Variants in ANKRD42 observed in about 807,000 individuals in gnomAD.
ANKRD42 encodes the protein ankyrin repeat domain-containing protein 42.
ANKRD42 carries 43 observed loss-of-function variants against 51.5 expected under a neutral mutation model. The ratio of observed to expected loss-of-function variants is 0.83; its 90% CI spans 0.65 to 1.08. The LOEUF (loss-of-function observed/expected upper bound fraction) is 1.08. Among genes scored for constraint, ANKRD42 ranks in the 50% least tolerant of loss-of-function variants. The pLI, the probability that ANKRD42 is intolerant of heterozygous loss-of-function variation, is 0.00. For synonymous variants in ANKRD42, 203 were observed against 213.0 expected, an observed-to-expected ratio of 0.95 and a Z score of 0.41; for missense variants, 608 against 629.3, an observed-to-expected ratio of 0.97 and a Z score of 0.36.
chr11:83,262,775 AATG>A, downstream of ANKRD42, among the ~76,000 whole-genome samples: 2 of 152,348 alleles, frequency 1.3e-5, no homozygotes, highest in Non-Finnish European at 2.9e-5. Flanking sequence ...AAACTTGGTT[AATG>A]ATAAGATCAT....
chr11:83,198,075 C>G (rs532792354), intron 1 of ANKRD42, among the ~76,000 whole-genome samples: 1 of 152,188 alleles, frequency 6.6e-6, no homozygotes, highest in African/African-American at 2.4e-5. Context: ...AGAAGTTTCT[C>G]ATTCTTTGGC....
chr11:83,244,828 T>G (rs1344840759), intron 9 of ANKRD42, among the ~76,000 whole-genome samples: 1 of 152,324 alleles, frequency 6.6e-6, no homozygotes, highest in Middle Eastern at 3.4e-3. Flanking sequence ...AAATCAAGTA[T>G]ATTTCAGTTT....
At chr11:83,200,317 A>G (rs1414768960) in intron 2 of ANKRD42, among the ~76,000 whole-genome samples, 1 of 151,460 alleles carries the variant, frequency 6.6e-6, no homozygotes, top group Non-Finnish European at 1.5e-5. Flanking sequence ...AGTCTTTTAA[A>G]CTTCTTTGGC....
At chr11:83,209,929 A>T (rs1189141005) in intron 3 of ANKRD42, 2 of 384,814 alleles carry the variant, frequency 5.2e-6, no homozygotes, top group Non-Finnish European at 9.5e-6. Context: ...GAAGCATCTG[A>T]GTTTGAGACT....
intron 5 of ANKRD42, chr11:83,212,774 T>C: frequency 1.3e-6 from 2 of 1,515,916 alleles, no homozygotes; most frequent in Non-Finnish European, 1.8e-6. Context: ...CTGTCCAGGA[T>C]CATTTTGTTT....
At chr11:83,221,267 T>G (rs538603106) in intron 5 of ANKRD42, among the ~76,000 whole-genome samples, 1 of 152,226 alleles carries the variant, frequency 6.6e-6, no homozygotes, top group Non-Finnish European at 1.5e-5. Flanking sequence ...TTGTTAAATT[T>G]CTGTGATCAA....
intron 4 of ANKRD42, among the ~76,000 whole-genome samples, chr11:83,211,011 A>G (rs1352892509): frequency 2.0e-5 from 3 of 152,178 alleles, no homozygotes; most frequent in Non-Finnish European, 4.4e-5. Context: ...CATTCAATCT[A>G]TCCCTTTCAT....
At chr11:83,242,573 T>TTTTTGTTTGTTTTTTTTTTTTTTTG in intron 9 of ANKRD42, among the ~76,000 whole-genome samples, 4 of 144,360 alleles carry the variant, frequency 2.8e-5, no homozygotes, top group Non-Finnish European at 4.6e-5. Flanking sequence ...TTAAGTTTTT[T>TTTTTGTTTGTTTTTTTTTTTTTTTG]TTTTTTTTTT....
At position 83,212,708 on chromosome 11, in the gene ANKRD42, A is replaced by G. The variant is rs1274416578; in HGVS notation, c.586+1278A>G. 6 of 1,536,012 alleles carry G rather than the reference A, an allele frequency of 3.9e-6. No individual in the cohort carries two copies. In the South Asian group the frequency reaches 7.1e-5, roughly 18 times the overall value. The stretch of plus-strand genomic sequence containing the variant: ...TTCCTTGGCTTGGCATGCTGGACTT[A>G]CATAATTTGGCACCTACCTACCTGC... On this transcript the variant is annotated intron_variant, in intron 5 of 10. Transcript: ENST00000533342.
At chr11:83,262,493 A>T (rs1460522353), downstream of ANKRD42, among the ~76,000 whole-genome samples, 1 of 152,190 alleles carries the variant, frequency 6.6e-6, no homozygotes, top group Non-Finnish European at 1.5e-5. Flanking sequence ...AATAGTTAAT[A>T]TACTACCTGT....
chr11:83,241,079 A>C (rs1164677563), intron 9 of ANKRD42, 145 bp downstream of exon 9: 1 of 939,082 alleles, frequency 1.1e-6, no homozygotes, highest in Non-Finnish European at 1.5e-6. Flanking sequence ...AACTAATATA[A>C]GTTTTTGTAC....
chr11:83,238,317 A>G (rs1198257413), intron 8 of ANKRD42, among the ~76,000 whole-genome samples: 2 of 152,210 alleles, frequency 1.3e-5, no homozygotes, highest in African/African-American at 4.8e-5. Context: ...TAAGTCTATG[A>G]GTAGGATTGT....
intron 9 of ANKRD42, among the ~76,000 whole-genome samples, chr11:83,243,439 T>A (rs1863449240): frequency 6.6e-6 from 1 of 152,200 alleles, no homozygotes. Context: ...TTCCAATTAA[T>A]CTTAGTTCTT....
At chr11:83,253,502 G>A (rs919368070), downstream of ANKRD42, among the ~76,000 whole-genome samples, 13 of 151,898 alleles carry the variant, frequency 8.6e-5, no homozygotes, top group African/African-American at 3.2e-4. Flanking sequence ...TAATCTGTTC[G>A]ACAAACCTGT....
At chr11:83,257,213 T>A (rs1216343671), downstream of ANKRD42, 15 of 423,996 alleles carry the variant, frequency 3.5e-5, no homozygotes, top group Non-Finnish European at 6.9e-5. Context: ...GGCTTTAGTG[T>A]CCATGTGAGA....
At chr11:83,250,359 GC>G (rs1863653570), downstream of ANKRD42, among the ~76,000 whole-genome samples, 1 of 152,038 alleles carries the variant, frequency 6.6e-6, no homozygotes, top group Admixed American at 6.6e-5. Context: ...TGTTTTTATA[GC>G]ACTTTCTCAG....
At chr11:83,233,396 T>C (rs1863138154) in intron 7 of ANKRD42, among the ~76,000 whole-genome samples, 1 of 152,132 alleles carries the variant, frequency 6.6e-6, no homozygotes, top group Non-Finnish European at 1.5e-5. Flanking sequence ...TAGCCACTAA[T>C]GATCCATTGA....
intron 6 of ANKRD42, among the ~76,000 whole-genome samples, chr11:83,225,782 GAAAAAAAAAAA>G (rs59860833): frequency 7.9e-5 from 7 of 88,798 alleles, no homozygotes; most frequent in African/African-American, 3.1e-4. Flanking sequence ...CTCCATCCTG[GAAAAAAAAAAA>G]AAAAAAAAAA....
intron 5 of ANKRD42, among the ~76,000 whole-genome samples, chr11:83,221,132 C>A (rs1862706928): frequency 6.6e-6 from 1 of 151,758 alleles, no homozygotes; most frequent in South Asian, 2.1e-4. Flanking sequence ...TTTTTGAGCT[C>A]ACTGATTCTT....
Sources: allele counts gnomAD v4.1 joint callset (sites outside exome capture counted in the v4.1 genomes callset), GRCh38; gene constraint gnomAD v4.1.1; transcripts MANE v1.5; gene names NCBI Gene and HGNC (gene_info 2026-07-23, HGNC 2026-07-21).